NTRK2: variants seen among roughly 807,000 people sequenced by gnomAD.
NTRK2 encodes neurotrophic receptor tyrosine kinase 2.
In NTRK2, 13 loss-of-function variants were observed where a neutral mutation model predicts 94.5. That is an observed-to-expected ratio of 0.14 (90% CI 0.09 to 0.22). NTRK2 has a LOEUF of 0.22. Ranked by LOEUF, NTRK2 falls within the 10% of genes least tolerant of loss-of-function variation. The pLI is 1.00. For missense variants in NTRK2, 639 were observed against 1,071.2 expected, an observed-to-expected ratio of 0.60 and a Z score of 5.63; for synonymous variants, 372 against 407.4, an observed-to-expected ratio of 0.91 and a Z score of 1.05.
chr9:84,750,706 T>A (rs2064514408), intron 11 of NTRK2, among the ~76,000 whole-genome samples: 1 of 152,216 alleles, frequency 6.6e-6, no homozygotes, highest in Non-Finnish European at 1.5e-5. Context: ...AAGCCTGAAG[T>A]ATTTACCATC....
intron 4 of NTRK2, among the ~76,000 whole-genome samples, chr9:84,702,952 A>G (rs1465832929): frequency 1.3e-5 from 2 of 152,362 alleles, no homozygotes; most frequent in Admixed American, 6.5e-5. Context: ...ATTATTAACA[A>G]TGGGAAATAT....
intron 4 of NTRK2, among the ~76,000 whole-genome samples, chr9:84,707,185 T>TA (rs1339173300): frequency 2.0e-5 from 3 of 152,200 alleles, no homozygotes; most frequent in African/African-American, 7.2e-5. Context: ...TAGTCACAAA[T>TA]ATATCTTTTT....
chr9:84,876,323 A>T (rs1213887624), intron 14 of NTRK2: 22 of 1,048,272 alleles, frequency 2.1e-5, no homozygotes, highest in Non-Finnish European at 2.4e-5. Context: ...CTGCTTATAA[A>T]ATAAGCAGAG....
At chr9:84,925,188 C>T (rs1262533153) in intron 14 of NTRK2, among the ~76,000 whole-genome samples, 2 of 149,750 alleles carry the variant, frequency 1.3e-5, no homozygotes, top group Non-Finnish European at 1.5e-5. Flanking sequence ...CTGCCTTCTT[C>T]TCTTCTCTTC....
intron 6 of NTRK2, among the ~76,000 whole-genome samples, chr9:84,718,146 T>C (rs1327770256): frequency 6.6e-6 from 1 of 152,084 alleles, no homozygotes; most frequent in East Asian, 1.9e-4. Flanking sequence ...AGACACACTT[T>C]GGGGAAAATT....
rs921471302 is a variant in NTRK2, at chr9:85,024,733, T to A, written c.*3296T>A. ...ATGACAAGCAACTGAGATATTGTGA[T>A]ATATAATCATGCTCTTAGCTTCAGC... On this transcript the variant is annotated 3_prime_UTR_variant, in exon 19 of 19. Coordinates refer to ENST00000277120, the MANE Select transcript of NTRK2 (RefSeq NM_006180.6). 1.3e-5 allele frequency: 3 copies of A among 233,150 alleles called. No homozygotes were observed. The highest frequency in any genetic ancestry group is 2.5e-5 in the Non-Finnish European group (3 of 117,974). 14.4% of individuals were successfully genotyped at this position (233,150 alleles called of 1,614,324 possible). A position where few individuals can be genotyped will look rare whatever the true frequency, so the allele number is the denominator to read the frequency against.
chr9:84,834,637 A>G (rs1231379869), intron 12 of NTRK2, among the ~76,000 whole-genome samples: 1 of 152,152 alleles, frequency 6.6e-6, no homozygotes, highest in Non-Finnish European at 1.5e-5. Context: ...AATTGACTTC[A>G]TCTTTCCTGG....
At chr9:84,931,724 A>AAAC (rs1329354409) in intron 14 of NTRK2, among the ~76,000 whole-genome samples, 1 of 151,576 alleles carries the variant, frequency 6.6e-6, no homozygotes, top group Admixed American at 6.6e-5. Flanking sequence ...TGCAAAAAAA[A>AAAC]AAAAAACAAA....
intron 6 of NTRK2, among the ~76,000 whole-genome samples, chr9:84,714,302 C>A (rs570235412): frequency 6.6e-6 from 1 of 152,094 alleles, no homozygotes; most frequent in Admixed American, 6.5e-5. Flanking sequence ...CTCTACTTTT[C>A]GGTCCTTTGA....
chr9:84,857,838 G>T (rs375631597), intron 12 of NTRK2, among the ~76,000 whole-genome samples: 1 of 152,120 alleles, frequency 6.6e-6, no homozygotes, highest in African/African-American at 2.4e-5. Flanking sequence ...TGATCTATGG[G>T]CTCTAGAATT....
intron 12 of NTRK2, among the ~76,000 whole-genome samples, chr9:84,848,280 C>T (rs894886976): frequency 6.6e-6 from 1 of 152,156 alleles, no homozygotes; most frequent in African/African-American, 2.4e-5. Flanking sequence ...ACAATTTAGT[C>T]CCCAATACAA....
At chr9:84,717,528 C>G (rs1400137669) in intron 6 of NTRK2, among the ~76,000 whole-genome samples, 1 of 152,218 alleles carries the variant, frequency 6.6e-6, no homozygotes, top group South Asian at 2.1e-4. Flanking sequence ...AGGCCCTGGA[C>G]AGACAGATGT....
At chr9:85,012,195 G>A (rs1424604008) in intron 17 of NTRK2, among the ~76,000 whole-genome samples, 1 of 151,758 alleles carries the variant, frequency 6.6e-6, no homozygotes, top group Non-Finnish European at 1.5e-5. Context: ...CACCATGTTG[G>A]CCAGGATGGT....
At chr9:84,988,071 A>C (rs1828550919) in intron 17 of NTRK2, among the ~76,000 whole-genome samples, 1 of 152,218 alleles carries the variant, frequency 6.6e-6, no homozygotes, top group Non-Finnish European at 1.5e-5. Context: ...AGCACTTTTA[A>C]TCTGGTTTAA....
intron 16 of NTRK2, 53 bp from the exon 17 acceptor site, chr9:84,955,230 C>A: frequency 6.8e-7 from 1 of 1,464,032 alleles, no homozygotes; most frequent in East Asian, 2.5e-5. Flanking sequence ...GCAAAGGGCC[C>A]CTGGAGTGAA....
intron 17 of NTRK2, among the ~76,000 whole-genome samples, chr9:84,978,618 A>G (rs1215130179): frequency 6.6e-6 from 1 of 152,180 alleles, no homozygotes; most frequent in African/African-American, 2.4e-5. Flanking sequence ...TCTAGCTAAG[A>G]TCATTCATGA....
chr9:84,691,827 C>T (rs2131554432), intron 2 of NTRK2, among the ~76,000 whole-genome samples: 1 of 152,150 alleles, frequency 6.6e-6, no homozygotes, highest in East Asian at 1.9e-4. Flanking sequence ...CCTCCCCAGC[C>T]ATAGGAAAAG....
At chr9:84,848,251 A>T (rs762659637) in intron 12 of NTRK2, among the ~76,000 whole-genome samples, 1 of 152,224 alleles carries the variant, frequency 6.6e-6, no homozygotes, top group Admixed American at 6.5e-5. Flanking sequence ...AGATTTCAAC[A>T]TATGAATTCT....
intron 14 of NTRK2, among the ~76,000 whole-genome samples, chr9:84,879,733 A>G (rs1157079592): frequency 6.6e-6 from 1 of 152,122 alleles, no homozygotes; most frequent in Non-Finnish European, 1.5e-5. Flanking sequence ...TTTCCAAATT[A>G]ATACCCAGCA....
Sources: gnomAD v4.1 joint callset for allele counts (sites outside exome capture counted in the v4.1 genomes callset) on GRCh38, gnomAD v4.1.1 for gene constraint, MANE v1.5 for transcripts, NCBI Gene and HGNC (gene_info 2026-07-23, HGNC 2026-07-21) for gene names.